The following OTOGL variants were observed in gnomAD, a reference collection of about 807,000 sequenced individuals.
OTOGL encodes otogelin-like protein.
A neutral mutation model predicts 318.5 loss-of-function variants in OTOGL; 285 were observed. The observed-to-expected ratio is 0.89, with a 90% CI of 0.81 to 0.99. OTOGL has a LOEUF of 0.99. Ranked by LOEUF, OTOGL falls within the 50% of genes least tolerant of loss-of-function variation. The pLI is 0.00. For missense variants in OTOGL, 2,899 were observed against 2,845.6 expected, an observed-to-expected ratio of 1.02 and a Z score of -0.43; for synonymous variants, 987 against 936.5, an observed-to-expected ratio of 1.05 and a Z score of -0.99.
At position 80,313,574 on chromosome 12, in the gene OTOGL, T is replaced by G. The variant is rs1340743616; in HGVS notation, c.3549T>G (p.Tyr1183Ter). ...CECLCTSIAA[Y>*]AYKCCQEGIS... is the part of the protein sequence containing the mutation. ...GTTTGTGCACTAGTATAGCTGCATA[T>G]GCATACAAGTGTTGTCAGGAAGGAA... Residue 1183 changes from tyrosine to a stop codon, truncating the protein, a stop_gained, in exon 31 of 59, where the codon TAT becomes TAG. Transcript: ENST00000547103. LOFTEE classifies it high-confidence loss of function. The G allele has an allele frequency of 6.2e-7, 1 of 1,612,534 alleles. No homozygotes were observed. The highest frequency in any genetic ancestry group is 8.5e-7 in the Non-Finnish European group (1 of 1,178,712).
At position 80,367,838 on chromosome 12, in the gene OTOGL, ATATAT is replaced by A. The variant is rs1890645020; in HGVS notation, c.6510+105_6510+109del. On this transcript the variant is annotated intron_variant, in intron 54 of 58. Transcript: ENST00000547103. ...GGTGAATACTCCATTAGTTTAAAATATATATTATATAGTTCTTCAATAGTCTACTA... is the reference window on the plus strand; with the variant it reads ...GGTGAATACTCCATTAGTTTAAAATATATATAGTTCTTCAATAGTCTACTA... 4 of 773,338 alleles carry A rather than the reference ATATAT, an allele frequency of 5.2e-6. No homozygotes were observed. In the South Asian group the frequency reaches 1.4e-4, roughly 26 times the overall value. The allele number at this position is 773,338 out of a possible 1,614,324, so 47.9% of individuals were successfully genotyped here.
chr12:80,193,463 C>G (rs1875837836), intron 1 of OTOGL, among the ~76,000 whole-genome samples: 1 of 152,014 alleles, frequency 6.6e-6, no homozygotes, highest in African/African-American at 2.4e-5. Context: ...TTGCAGTGAG[C>G]CAAGATTGTG....
At chr12:80,204,458 G>A (rs1206917376) in intron 1 of OTOGL, among the ~76,000 whole-genome samples, 1 of 152,142 alleles carries the variant, frequency 6.6e-6, no homozygotes, top group African/African-American at 2.4e-5. Context: ...TTGGATCCAA[G>A]TATAGCACGC....
intron 44 of OTOGL, among the ~76,000 whole-genome samples, chr12:80,351,317 TTTTG>T (rs1889534091): frequency 1.3e-5 from 2 of 151,804 alleles, no homozygotes; most frequent in African/African-American, 4.8e-5. Flanking sequence ...GTTGTTGTTG[TTTTG>T]TTTGTTTGTG....
chr12:80,218,679 A>C (rs1237254422), intron 5 of OTOGL, among the ~76,000 whole-genome samples: 1 of 151,930 alleles, frequency 6.6e-6, no homozygotes, highest in Non-Finnish European at 1.5e-5. Flanking sequence ...AATCTGTTGG[A>C]ACAATTTTAT....
intron 1 of OTOGL, among the ~76,000 whole-genome samples, chr12:80,179,691 G>A (rs1487087379): frequency 1.3e-5 from 2 of 152,168 alleles, no homozygotes; most frequent in Non-Finnish European, 2.9e-5. Context: ...CTGAAAAAAT[G>A]TGGCCAGGGC....
At chr12:80,266,207 TTTACCATTTGCGAAGCTGAAAATAC>T (rs1482636776) in intron 20 of OTOGL, 9 of 484,154 alleles carry the variant, frequency 1.9e-5, no homozygotes, top group Non-Finnish European at 3.0e-5. Flanking sequence ...GCTGAAAATA[TTTACCATTTGCGAAGCTGAAAATAC>T]TTACCATTTG....
intron 1 of OTOGL, among the ~76,000 whole-genome samples, chr12:80,124,900 C>G (rs893100846): frequency 1.3e-5 from 2 of 152,200 alleles, no homozygotes; most frequent in Non-Finnish European, 2.9e-5. Flanking sequence ...TATCCTGAGA[C>G]TTTGCTGAAG....
At chr12:80,372,599 A>T (rs1232829228) in intron 57 of OTOGL, among the ~76,000 whole-genome samples, 1 of 152,134 alleles carries the variant, frequency 6.6e-6, no homozygotes, top group African/African-American at 2.4e-5. Context: ...TATCCTTTTC[A>T]TAAAAGTTCT....
intron 4 of OTOGL, among the ~76,000 whole-genome samples, chr12:80,215,166 C>CTTTTTT (rs34875604): frequency 7.7e-6 from 1 of 129,052 alleles, no homozygotes. Flanking sequence ...GTTTACAAGT[C>CTTTTTT]TTTTTTTTTT....
chr12:80,130,042 T>C (rs967681330), intron 1 of OTOGL, among the ~76,000 whole-genome samples: 7 of 152,340 alleles, frequency 4.6e-5, no homozygotes, highest in Admixed American at 1.3e-4. Context: ...TCTCCTTTTT[T>C]TTCTTCTGAA....
chr12:80,293,136 A>G (rs995396929), intron 26 of OTOGL, among the ~76,000 whole-genome samples: 1 of 152,224 alleles, frequency 6.6e-6, no homozygotes, highest in African/African-American at 2.4e-5. Flanking sequence ...CAGTTTCCCA[A>G]ATAATCTTAA....
chr12:80,269,769 A>G (rs889233878), intron 22 of OTOGL, among the ~76,000 whole-genome samples: 10 of 152,060 alleles, frequency 6.6e-5, no homozygotes, highest in Admixed American at 5.2e-4. Flanking sequence ...ACATATTTCT[A>G]TGTTGCATGT....
At chr12:80,218,771 A>C (rs1223408725) in intron 5 of OTOGL, among the ~76,000 whole-genome samples, 1 of 138,674 alleles carries the variant, frequency 7.2e-6, no homozygotes, top group Non-Finnish European at 1.6e-5. Context: ...TTAAGTATAG[A>C]TTTCTTTTTT....
intron 1 of OTOGL, among the ~76,000 whole-genome samples, chr12:80,163,226 A>G (rs949689401): frequency 6.6e-6 from 1 of 152,142 alleles, no homozygotes; most frequent in Non-Finnish European, 1.5e-5. Flanking sequence ...TGCCCAACAT[A>G]TTGTAAGTTT....
rs909496008 is a variant in OTOGL at position 80,328,601 on chromosome 12, A to T, written c.4200-64A>T. The stretch of plus-strand genomic sequence containing the variant: ...TATCTTAGTCGCATATGTTAAATGT[A>T]GTCCTTTTTTTTTTGTATTTCAAAC... On this transcript the variant is annotated intron_variant, in intron 35 of 58. Transcript: ENST00000547103. The T allele has an allele frequency of 2.6e-6, 3 of 1,136,542 alleles. No individual in the cohort carries two copies. The Admixed American group carries it at 6.6e-5, about 25-fold the overall frequency. The allele number at this position is 1,136,542 out of a possible 1,614,324, so 70.4% of individuals were successfully genotyped here.
intron 1 of OTOGL, among the ~76,000 whole-genome samples, chr12:80,156,670 C>A (rs1235338279): frequency 6.6e-6 from 1 of 152,142 alleles, no homozygotes; most frequent in African/African-American, 2.4e-5. Flanking sequence ...AGCACAAATT[C>A]CCTCTTTGCC....
Position 80,127,974 on chromosome 12 carries a change from C to G in OTOGL, c.-20+28369C>G, listed in dbSNP as rs867833048. ...TTTTCAAGGTTTTTGACTTCTTTGC[C>G]ATGGGTTCAAACTTCCTCCTTTAGC... is the stretch of plus-strand genomic sequence containing the variant. On this transcript the variant is annotated intron_variant, in intron 1 of 58. Transcript: ENST00000547103. 2.5e-4 allele frequency among the ~76,000 whole-genome samples: 38 copies of G among 152,268 alleles called. No individual in the cohort carries two copies. In the Middle Eastern group the frequency reaches 0.01, roughly 41 times the overall value.
chr12:80,226,109 C>G (rs1479059007), intron 7 of OTOGL, among the ~76,000 whole-genome samples: 1 of 150,342 alleles, frequency 6.7e-6, no homozygotes, highest in Non-Finnish European at 1.5e-5. Flanking sequence ...CAAAGTTAGG[C>G]CTTATTCCTT....
Sources: gnomAD v4.1 joint callset for allele counts (sites outside exome capture counted in the v4.1 genomes callset) on GRCh38, gnomAD v4.1.1 for gene constraint, MANE v1.5 for transcripts, NCBI Gene and HGNC (gene_info 2026-07-23, HGNC 2026-07-21) for gene names.